FAT4: variants seen among roughly 807,000 people sequenced by gnomAD.
The protein encoded by FAT4 is FAT atypical cadherin 4.
FAT4 carries 84 observed loss-of-function variants against 303.9 expected under a neutral mutation model. The ratio of observed to expected loss-of-function variants is 0.28; its 90% CI spans 0.23 to 0.33. The LOEUF is 0.33. Ranked by LOEUF, FAT4 falls within the 10% of genes least tolerant of loss-of-function variation. The probability of loss-of-function intolerance (pLI) is 1.00; values close to 1 mark genes in which losing one functional copy is unlikely to be tolerated. For synonymous variants in FAT4, 2,307 were observed against 2,298.8 expected, an observed-to-expected ratio of 1.00 and a Z score of -0.10; for missense variants, 6,005 against 6,146.8, an observed-to-expected ratio of 0.98 and a Z score of 0.77.
In FAT4 at chr4:125,491,393, G is replaced by A. The variant is rs144832106; in HGVS notation, c.14577G>A (p.Arg4859=). 1.2e-4 allele frequency: 199 copies of A among 1,614,048 alleles called. No individual in the cohort carries two copies. The highest frequency in any genetic ancestry group is 1.5e-4 in the Non-Finnish European group (179 of 1,179,970). The change falls in exon 18 of 18, where the codon AGG becomes AGA. Residue 4859 remains arginine (R), a synonymous_variant. Transcript: ENST00000394329. ...CTTGCTCAGAAATGGAATATGACAG[G>A]GAGAAGCCAATGGTATATACTTCCA... ...SFTCSEMEYD[R]EKPMVYTSRM...
chr4:125,407,127 A>G lies in FAT4; in HGVS notation c.5555A>G (p.Glu1852Gly). The change falls in exon 4 of 18, where the codon GAG becomes GGG. Residue 1852 changes from glutamate (E) to glycine (G), a missense_variant. Coordinates refer to ENST00000394329, the MANE Select transcript of FAT4 (RefSeq NM_001291303.3). ...CCCGTGTACTCTTTTGACATTCCTG[A>G]GGACACAATCCCTGGTAGGTGATGG... ...SRPVYSFDIP[E>G]DTIPGSLVAA... 1.2e-6 allele frequency: 2 copies of G among 1,611,814 alleles called. No individual in the cohort carries two copies. The highest frequency in any genetic ancestry group is 1.1e-5 in the South Asian group (1 of 91,052).
Position 125,452,237 on chromosome 4 carries a change from C to T in FAT4, c.11227C>T (p.Leu3743=). ...LHFLRIASSQ[L]TGLGTAVQLY... ...TTTTTTACGCATTGCCAGCTCACAG[C>T]TGACAGGCTTAGGGACTGCTGTGCA... is the stretch of plus-strand genomic sequence containing the variant. The change falls in exon 10 of 18, where the codon CTG becomes TTG. Residue 3743 remains leucine, a synonymous_variant. Transcript: ENST00000394329. 6.2e-7 allele frequency: 1 copy of T among 1,614,250 alleles called. No individual in the cohort carries two copies. Among genetic ancestry groups the T allele is most frequent in the Non-Finnish European group, 8.5e-7 (1 of 1,180,040 alleles).
intron 2 of FAT4, among the ~76,000 whole-genome samples, chr4:125,324,916 T>C (rs1731093852): frequency 6.6e-6 from 1 of 152,184 alleles, no homozygotes; most frequent in Non-Finnish European, 1.5e-5. Context: ...AGTTTATTTT[T>C]TCTAACTAAA....
At chr4:125,387,680 G>A (rs1509289) in intron 2 of FAT4, among the ~76,000 whole-genome samples, 36,987 of 151,904 alleles carry the variant, frequency 0.24, 4,655 homozygotes, top group East Asian at 0.39. Flanking sequence ...GTGAGAATGT[G>A]TAGCTATATA....
At chr4:125,476,713 GT>G (rs1195933007) in intron 13 of FAT4, among the ~76,000 whole-genome samples, 1 of 152,124 alleles carries the variant, frequency 6.6e-6, no homozygotes, top group Non-Finnish European at 1.5e-5. Flanking sequence ...AAAATAAGTA[GT>G]CACGCATCAT....
At chr4:125,368,527 T>C (rs1268442788) in intron 2 of FAT4, among the ~76,000 whole-genome samples, 1 of 147,382 alleles carries the variant, frequency 6.8e-6, no homozygotes, top group Non-Finnish European at 1.5e-5. Context: ...TATATGTATA[T>C]ATATATATAT....
At chr4:125,347,004 T>C (rs1052356923) in intron 2 of FAT4, among the ~76,000 whole-genome samples, 1 of 151,924 alleles carries the variant, frequency 6.6e-6, no homozygotes, top group Non-Finnish European at 1.5e-5. Context: ...AAGATATAAT[T>C]CAGTGACTCT....
At chr4:125,428,652 A>T (rs531498989) in intron 7 of FAT4, among the ~76,000 whole-genome samples, 2 of 152,274 alleles carry the variant, frequency 1.3e-5, no homozygotes, top group South Asian at 2.1e-4. Context: ...TGTTTATGTT[A>T]TATTTATGTT....
At chr4:125,387,201 A>G (rs563651130) in intron 2 of FAT4, among the ~76,000 whole-genome samples, 6 of 152,340 alleles carry the variant, frequency 3.9e-5, no homozygotes, top group African/African-American at 1.2e-4. Flanking sequence ...ACTAATAACC[A>G]ACTGAAATAG....
intron 2 of FAT4, among the ~76,000 whole-genome samples, chr4:125,343,554 A>G (rs1241893009): frequency 6.6e-6 from 1 of 152,178 alleles, no homozygotes; most frequent in East Asian, 1.9e-4. Flanking sequence ...AGCACTTAAT[A>G]ATTTTATCTT....
chr4:125,448,499 A>T lies in FAT4; in HGVS notation c.7489A>T (p.Ile2497Phe), dbSNP rs772937155. ...VFAVTVTDADIGPNSELHYSL... is the reference protein window; with the variant it reads ...VFAVTVTDADFGPNSELHYSL... ...TGCGGTTACAGTCACAGATGCTGAT[A>T]TTGGACCAAATTCTGAACTGCATTA... The change falls in exon 10 of 18, where the codon ATT becomes TTT. Residue 2497 changes from isoleucine to phenylalanine, a missense_variant. Ile to Phe is a conservative substitution (Grantham distance 21). Coordinates refer to ENST00000394329, the MANE Select transcript of FAT4 (RefSeq NM_001291303.3). The T allele has an allele frequency of 5.6e-6, 9 of 1,612,026 alleles. No homozygotes were observed. In the African/African-American group the frequency reaches 1.1e-4, roughly 19 times the overall value.
intron 10 of FAT4, among the ~76,000 whole-genome samples, chr4:125,459,412 A>G (rs573121994): frequency 5.1e-4 from 77 of 152,038 alleles, no homozygotes; most frequent in South Asian, 6.2e-4. Context: ...ATAGACACAA[A>G]ATTTCTCCTG....
rs1735077817 is a variant in FAT4 at position 125,416,539 on chromosome 4, C to T, written c.6935C>T (p.Ala2312Val). The part of the protein sequence containing the change: ...GNEDNAFTLS[A>V]SGELGVTQSL... ...GAAGACAATGCTTTTACTCTCTCAG[C>T]CAGTGGAGAACTTGGAGTAACACAG... is the stretch of plus-strand genomic sequence containing the variant. The change falls in exon 7 of 18, where the codon GCC becomes GTC. Residue 2312 changes from alanine to valine, a missense_variant. By Grantham distance (64) the Ala-to-Val change is moderately conservative. Transcript: ENST00000394329. 6.2e-7 allele frequency: 1 copy of T among 1,613,888 alleles called. No homozygotes were observed. Among genetic ancestry groups the T allele is most frequent in the Non-Finnish European group, 8.5e-7 (1 of 1,179,930 alleles).
rs1730533519 is a variant in FAT4, at chr4:125,315,381, G to A, written c.-609G>A. ...GTGAAACTGACACGGGACAATAAAA[G>A]CAGAGATAGCGAGGGCAGGGGCGAG... On this transcript the variant is annotated 5_prime_UTR_variant, in exon 1 of 18. Transcript: ENST00000394329. Among the ~76,000 whole-genome samples the A allele has an allele frequency of 6.6e-6, 1 of 152,160 alleles. No individual in the cohort carries two copies. Among genetic ancestry groups the A allele is most frequent in the South Asian group, 2.1e-4 (1 of 4,830 alleles).
Position 125,319,874 on chromosome 4 carries a change from A to G in FAT4, c.3463A>G (p.Ile1155Val), listed in dbSNP as rs1489971818. Residue 1155 changes from isoleucine to valine, a missense_variant, in exon 2 of 18, where the codon ATT becomes GTT. By Grantham distance (29) the Ile-to-Val change is conservative. Coordinates refer to ENST00000394329, the MANE Select transcript of FAT4 (RefSeq NM_001291303.3). ...DFELHAISGE[I>V]TNTHQFDRES... ...TGAGTTGCATGCCATCAGTGGGGAA[A>G]TTACAAATACTCATCAGTTTGACAG... 3.7e-6 allele frequency: 6 copies of G among 1,614,062 alleles called. No homozygotes were observed. The highest frequency in any genetic ancestry group is 4.2e-6 in the Non-Finnish European group (5 of 1,180,046).
chr4:125,340,206 A>G (rs1731729628), intron 2 of FAT4, among the ~76,000 whole-genome samples: 3 of 152,070 alleles, frequency 2.0e-5, no homozygotes. Context: ...TTATATGTTG[A>G]TATATTTTAG....
chr4:125,383,185 T>A (rs1733605023), intron 2 of FAT4, among the ~76,000 whole-genome samples: 1 of 152,212 alleles, frequency 6.6e-6, no homozygotes, highest in African/African-American at 2.4e-5. Context: ...AGACCTAGCT[T>A]TTGATTTACC....
At chr4:125,333,144 AG>A (rs1731449028) in intron 2 of FAT4, among the ~76,000 whole-genome samples, 2 of 152,046 alleles carry the variant, frequency 1.3e-5, no homozygotes, top group Non-Finnish European at 2.9e-5. Context: ...ATTAGCATAC[AG>A]ATATATGTAA....
In FAT4 at chr4:125,451,580, C is replaced by T. The variant is rs145569482; in HGVS notation, c.10570C>T (p.Arg3524Trp). 7.7e-5 allele frequency: 125 copies of T among 1,614,112 alleles called. No individual in the cohort carries two copies. The African/African-American group carries it at 8.9e-4, about 12-fold the overall frequency. ...TGAAGGAGAAGTCATGGAAAACAAA[C>T]GGCCAGGCACTTTGGTGATGACCCT... is the stretch of plus-strand genomic sequence containing the variant. ...VSEGEVMENK[R>W]PGTLVMTLQS... The change falls in exon 10 of 18, where the codon CGG becomes TGG. Residue 3524 changes from arginine (R) to tryptophan (W), a missense_variant. Physicochemically the swap from Arg to Trp is moderately radical, Grantham distance 101 (BLOSUM62 -3). Coordinates refer to ENST00000394329, the MANE Select transcript of FAT4 (RefSeq NM_001291303.3).
Sources: gnomAD v4.1 joint callset for allele counts (sites outside exome capture counted in the v4.1 genomes callset) on GRCh38, gnomAD v4.1.1 for gene constraint, MANE v1.5 for transcripts, NCBI Gene and HGNC (gene_info 2026-07-23, HGNC 2026-07-21) for gene names.